The following PCDHA7 variants were observed in gnomAD, a reference collection of about 807,000 sequenced individuals.
PCDHA7 encodes protocadherin alpha 7.
PCDHA7 carries 37 observed loss-of-function variants against 57.2 expected under a neutral mutation model. That is an observed-to-expected ratio of 0.65 (90% CI 0.50 to 0.85). The LOEUF (loss-of-function observed/expected upper bound fraction) is 0.85. Among genes scored for constraint, PCDHA7 ranks in the 40% least tolerant of loss-of-function variants. The pLI is 0.00. For missense variants in PCDHA7, 1,188 were observed against 1,241.8 expected (o/e 0.96, Z 0.65); for synonymous variants, 553 against 558.8 (o/e 0.99, Z 0.15).
At chr5:140,848,870 C>T (rs2040645245) in intron 1 of PCDHA7, 1 of 1,590,634 alleles carries the variant, frequency 6.3e-7, no homozygotes, top group African/African-American at 1.4e-5. Flanking sequence ...AGGTGAAGGA[C>T]ATTAACGACA....
chr5:140,977,923 C>T (rs573696974), intron 1 of PCDHA7, among the ~76,000 whole-genome samples: 2 of 151,828 alleles, frequency 1.3e-5, no homozygotes, highest in Admixed American at 1.3e-4. Flanking sequence ...TTTTTTCATT[C>T]AACTATACCT....
intron 1 of PCDHA7, among the ~76,000 whole-genome samples, chr5:140,885,554 A>G (rs1025656025): frequency 5.3e-5 from 8 of 152,140 alleles, no homozygotes; most frequent in African/African-American, 1.9e-4. Context: ...TGTTATTTCT[A>G]CGAAATTGAT....
chr5:140,875,917 G>A, intron 1 of PCDHA7: 1 of 1,614,146 alleles, frequency 6.2e-7, no homozygotes, highest in Non-Finnish European at 8.5e-7. Flanking sequence ...TGCGCCTCTG[G>A]ACTCTCATTT....
At chr5:140,849,651 A>T (rs2041019666) in intron 1 of PCDHA7, 1 of 1,598,758 alleles carries the variant, frequency 6.3e-7, no homozygotes, top group Non-Finnish European at 8.6e-7. Flanking sequence ...CGGGCAGGTT[A>T]CCTGCTCCCT....
chr5:141,010,405 C>A lies in PCDHA7; in HGVS notation c.*468C>A. The A allele has an allele frequency of 7.9e-7, 1 of 1,260,098 alleles. No homozygotes were observed. The highest frequency in any genetic ancestry group is 1.1e-6 in the Non-Finnish European group (1 of 934,062). The allele number at this position is 1,260,098 out of a possible 1,614,324, so 78.1% of individuals were successfully genotyped here. On this transcript the variant is annotated 3_prime_UTR_variant, in exon 4 of 4. Transcript: ENST00000525929. ...ATTGGCTGAGACGAGCCAGCTTAGACTAATTGGTACAAGGAAGGCAAGAAA... is the reference window on the plus strand; with the variant it reads ...ATTGGCTGAGACGAGCCAGCTTAGAATAATTGGTACAAGGAAGGCAAGAAA...
chr5:140,918,750 CAG>C (rs2078839943), intron 1 of PCDHA7, among the ~76,000 whole-genome samples: 1 of 152,070 alleles, frequency 6.6e-6, no homozygotes, highest in African/African-American at 2.4e-5. Flanking sequence ...AAAAGAGGCC[CAG>C]AGAGGTGCCT....
At chr5:140,902,611 A>G (rs924512539) in intron 1 of PCDHA7, among the ~76,000 whole-genome samples, 1 of 151,996 alleles carries the variant, frequency 6.6e-6, no homozygotes, top group East Asian at 1.9e-4. Flanking sequence ...TTTCAGTTAC[A>G]TGGGTAAGTT....
rs942533344 is a variant in PCDHA7, at chr5:140,870,223, T to A, written c.2355+33485T>A. The A allele has an allele frequency of 3.4e-5, 55 of 1,614,052 alleles. No homozygotes were observed. The highest frequency in any genetic ancestry group is 4.5e-5 in the Non-Finnish European group (53 of 1,180,044). On this transcript the variant is annotated intron_variant, in intron 1 of 3. Coordinates refer to ENST00000525929, the MANE Select transcript of PCDHA7 (RefSeq NM_018910.3). ...CACGGTCATTGCCCTGATCAGCGTG[T>A]CTGACCGTGACTCAGGTGTCAACGG...
At chr5:140,883,130 G>C in intron 1 of PCDHA7, 1 of 1,614,062 alleles carries the variant, frequency 6.2e-7, no homozygotes, top group Non-Finnish European at 8.5e-7. Flanking sequence ...TGTATGGCCT[G>C]CAGTGGTATA....
chr5:140,877,317 G>C (rs535177109), intron 1 of PCDHA7: 5 of 1,614,004 alleles, frequency 3.1e-6, no homozygotes, highest in Admixed American at 1.7e-5. Context: ...AACCGGCGGC[G>C]GTCGGCGCGC....
chr5:140,847,542 C>T (rs1442885551), intron 1 of PCDHA7: 1 of 149,324 alleles, frequency 6.7e-6, no homozygotes, highest in African/African-American at 2.5e-5. Flanking sequence ...TCAAGCATAG[C>T]TTTAAAAACA....
At chr5:140,890,902 G>A (rs781819787) in intron 1 of PCDHA7, among the ~76,000 whole-genome samples, 16 of 152,080 alleles carry the variant, frequency 1.1e-4, no homozygotes, top group Non-Finnish European at 1.5e-4. Context: ...GTCTTTCCAT[G>A]TTAGAATAAT....
intron 1 of PCDHA7, chr5:140,841,417 C>G (rs2150314997): frequency 2.5e-6 from 4 of 1,613,050 alleles, no homozygotes; most frequent in Non-Finnish European, 3.4e-6. Flanking sequence ...GCCAGCTCCA[C>G]TACTCCGTCC....
intron 3 of PCDHA7, among the ~76,000 whole-genome samples, chr5:141,008,970 G>A (rs147776833): frequency 6.6e-6 from 1 of 152,236 alleles, no homozygotes; most frequent in East Asian, 1.9e-4. Flanking sequence ...TACATTTATA[G>A]CCAAAGTTTA....
At chr5:140,840,458 A>C (rs1178434181) in intron 1 of PCDHA7, among the ~76,000 whole-genome samples, 1 of 152,008 alleles carries the variant, frequency 6.6e-6, no homozygotes, top group Admixed American at 6.6e-5. Context: ...GTTAAATAAA[A>C]AGTTGGGGAA....
chr5:140,987,563 T>C (rs2097259374), intron 3 of PCDHA7, among the ~76,000 whole-genome samples: 1 of 152,226 alleles, frequency 6.6e-6, no homozygotes, highest in Non-Finnish European at 1.5e-5. Context: ...ATTCTCAGTT[T>C]CTTTCTCTAT....
At chr5:140,997,727 C>G (rs2097783097) in intron 3 of PCDHA7, among the ~76,000 whole-genome samples, 1 of 151,244 alleles carries the variant, frequency 6.6e-6, no homozygotes, top group Admixed American at 6.6e-5. Flanking sequence ...TACGTCAGTA[C>G]ATATAGATTT....
At chr5:140,841,468 G>T (rs1777250619) in intron 1 of PCDHA7, 7 of 1,612,868 alleles carry the variant, frequency 4.3e-6, no homozygotes, top group African/African-American at 1.3e-5. Context: ...GCCGGATCGC[G>T]CAGGACCTGG....
At chr5:140,875,182 A>T in intron 1 of PCDHA7, 1 of 450,902 alleles carries the variant, frequency 2.2e-6, no homozygotes. Context: ...CATTAGAATT[A>T]AGAGTGACCC....
Sources: gnomAD v4.1 joint callset for allele counts (sites outside exome capture counted in the v4.1 genomes callset) on GRCh38, gnomAD v4.1.1 for gene constraint, MANE v1.5 for transcripts, NCBI Gene and HGNC (gene_info 2026-07-23, HGNC 2026-07-21) for gene names.